SLCO1B3: variants seen among roughly 807,000 people sequenced by gnomAD.
The protein encoded by SLCO1B3 is solute carrier organic anion transporter family member 1B3.
Under a neutral mutation model 71.8 loss-of-function variants are expected in SLCO1B3, and 72 were observed. The observed-to-expected ratio is 1.00, with a 90% CI of 0.83 to 1.22. The LOEUF (loss-of-function observed/expected upper bound fraction) is 1.22, where lower values mean the gene tolerates loss of function less well. Ranked by LOEUF, SLCO1B3 falls within the 50% of genes most tolerant of loss-of-function variation. SLCO1B3 has a pLI of 0.00. For missense variants in SLCO1B3, 911 were observed against 819.7 expected (o/e 1.11, Z -1.36); for synonymous variants, 298 against 278.4 (o/e 1.07, Z -0.70).
chr12:20,855,394 T>C lies in SLCO1B3; in HGVS notation c.226+225T>C, dbSNP rs1057505584. On this transcript the variant is annotated intron_variant, in intron 4 of 15. Transcript: ENST00000381545. ...AGGTATGCTGCTAAACACTGTGCAA[T>C]GCACCAGACAGACTTACCAACAAAG... 3.3e-5 allele frequency among the ~76,000 whole-genome samples: 5 copies of C among 152,144 alleles called. 1 individual carries two copies. Among genetic ancestry groups the C allele is most frequent in the Admixed American group, 2.0e-4 (3 of 15,258 alleles).
At chr12:20,881,674 G>T (rs1234830810) in intron 12 of SLCO1B3, among the ~76,000 whole-genome samples, 1 of 151,558 alleles carries the variant, frequency 6.6e-6, no homozygotes. Flanking sequence ...TAACTCAAAG[G>T]CTTTTTTTTT....
At chr12:20,863,606 C>G (rs1041638964) in intron 8 of SLCO1B3, among the ~76,000 whole-genome samples, 1 of 151,970 alleles carries the variant, frequency 6.6e-6, no homozygotes, top group African/African-American at 2.4e-5. Flanking sequence ...TTTAGATTTC[C>G]TCTTTCTGCC....
intron 4 of SLCO1B3, among the ~76,000 whole-genome samples, chr12:20,857,849 G>A (rs941690523): frequency 1.3e-5 from 2 of 151,952 alleles, no homozygotes; most frequent in South Asian, 2.1e-4. Context: ...CTTCTTCCAT[G>A]TTTTAATCTA....
At position 20,916,491 on chromosome 12, in the gene SLCO1B3, T is replaced by G. The variant is rs1866503225; in HGVS notation, c.*244T>G. The G allele has an allele frequency of 6.8e-6, 2 of 293,120 alleles. No homozygotes were observed. The highest frequency in any genetic ancestry group is 9.2e-5 in the Admixed American group (2 of 21,694). 18.2% of individuals were successfully genotyped at this position (293,120 alleles called of 1,614,324 possible). ...GTGTGATACAATAAAAAGTAATTGT[T>G]TGGTAGTTGTAACTGCTAATAAAAC... On this transcript the variant is annotated 3_prime_UTR_variant, in exon 16 of 16. Transcript: ENST00000381545.
intron 3 of SLCO1B3, among the ~76,000 whole-genome samples, chr12:20,822,680 G>A (rs550054866): frequency 6.6e-6 from 1 of 152,292 alleles, no homozygotes; most frequent in East Asian, 1.9e-4. Context: ...GCAGGTAAGG[G>A]AATGGTCAGT....
intron 3 of SLCO1B3, among the ~76,000 whole-genome samples, chr12:20,843,758 G>T (rs1446868147): frequency 6.6e-6 from 1 of 150,482 alleles, no homozygotes; most frequent in East Asian, 1.9e-4. Flanking sequence ...TCCAGCCTGG[G>T]CAACAGAGTG....
At chr12:20,910,477 A>G (rs1866350601) in intron 15 of SLCO1B3, among the ~76,000 whole-genome samples, 1 of 152,172 alleles carries the variant, frequency 6.6e-6, no homozygotes, top group Non-Finnish European at 1.5e-5. Context: ...TAGCTTGTCA[A>G]TATCCACAAA....
At chr12:20,830,809 A>G (rs1018110305) in intron 3 of SLCO1B3, among the ~76,000 whole-genome samples, 12 of 152,246 alleles carry the variant, frequency 7.9e-5, no homozygotes, top group African/African-American at 2.4e-4. Flanking sequence ...ATTTCAGCAG[A>G]ATGGCAATCA....
intron 5 of SLCO1B3, among the ~76,000 whole-genome samples, chr12:20,860,245 G>A (rs1206800921): frequency 6.6e-6 from 1 of 152,036 alleles, no homozygotes; most frequent in Non-Finnish European, 1.5e-5. Context: ...GTGAGCCACC[G>A]CGCCCAGCCC....
At chr12:20,829,147 A>C (rs1864487525) in intron 3 of SLCO1B3, among the ~76,000 whole-genome samples, 1 of 152,240 alleles carries the variant, frequency 6.6e-6, no homozygotes, top group Non-Finnish European at 1.5e-5. Flanking sequence ...ACAAACAAAA[A>C]CCAGTTAAGT....
intron 1 of SLCO1B3, among the ~76,000 whole-genome samples, chr12:20,813,087 G>A (rs1304307105): frequency 1.3e-5 from 2 of 151,974 alleles, no homozygotes; most frequent in African/African-American, 2.4e-5. Context: ...GAGATACATA[G>A]GTATGGGTTT....
At chr12:20,905,226 C>A (rs1033897852) in intron 15 of SLCO1B3, among the ~76,000 whole-genome samples, 5 of 152,124 alleles carry the variant, frequency 3.3e-5, no homozygotes, top group African/African-American at 1.2e-4. Flanking sequence ...GGGCCTGACC[C>A]ACAAAACCAT....
chr12:20,901,307 A>T, intron 14 of SLCO1B3, 43 bp from the exon 15 acceptor site: 1 of 1,187,804 alleles, frequency 8.4e-7, no homozygotes, highest in Admixed American at 2.2e-5. Flanking sequence ...GTTACATTTG[A>T]AGCATTTCAC....
intron 3 of SLCO1B3, among the ~76,000 whole-genome samples, chr12:20,816,063 A>C (rs772487103): frequency 1.2e-4 from 19 of 152,138 alleles, no homozygotes; most frequent in Non-Finnish European, 2.1e-4. Flanking sequence ...TTAACTTTTT[A>C]ATTTTTAATT....
intron 3 of SLCO1B3, among the ~76,000 whole-genome samples, chr12:20,827,264 A>G (rs983203199): frequency 2.0e-5 from 3 of 152,190 alleles, no homozygotes; most frequent in Non-Finnish European, 4.4e-5. Context: ...TGAATTGACA[A>G]TTCTAAAGAC....
intron 12 of SLCO1B3, among the ~76,000 whole-genome samples, chr12:20,881,908 T>C (rs949904750): frequency 6.6e-6 from 1 of 152,194 alleles, no homozygotes; most frequent in Non-Finnish European, 1.5e-5. Flanking sequence ...TTTCTATCTT[T>C]CCCTTGCCCA....
chr12:20,863,323 G>A (rs947302368), intron 8 of SLCO1B3, among the ~76,000 whole-genome samples: 6 of 152,116 alleles, frequency 3.9e-5, no homozygotes, highest in African/African-American at 1.4e-4. Context: ...CTCACTGAGG[G>A]CTTGGCCTAT....
At chr12:20,825,566 C>T (rs537989293) in intron 3 of SLCO1B3, among the ~76,000 whole-genome samples, 9 of 152,030 alleles carry the variant, frequency 5.9e-5, no homozygotes, top group South Asian at 4.1e-4. Flanking sequence ...GAGGCCAAGG[C>T]GGGCAGATCA....
chr12:20,836,727 TG>T (rs1166176101), intron 3 of SLCO1B3, among the ~76,000 whole-genome samples: 3 of 152,086 alleles, frequency 2.0e-5, no homozygotes, highest in African/African-American at 7.2e-5. Context: ...CTGCAACCTC[TG>T]CCTCCCTGGT....
Sources: allele counts gnomAD v4.1 joint callset (sites outside exome capture counted in the v4.1 genomes callset), GRCh38; gene constraint gnomAD v4.1.1; transcripts MANE v1.5; gene names NCBI Gene and HGNC (gene_info 2026-07-23, HGNC 2026-07-21).